The following SYBU variants were observed in gnomAD, a reference collection of about 807,000 sequenced individuals.
SYBU encodes syntabulin.
A neutral mutation model predicts 35.9 loss-of-function variants in SYBU; 21 were observed. The observed-to-expected ratio is 0.58, with a 90% confidence interval of 0.41 to 0.84. The LOEUF is 0.84. Among genes scored for constraint, SYBU ranks in the 40% least tolerant of loss-of-function variants. SYBU has a pLI of 0.00. For synonymous variants in SYBU, 319 were observed against 324.3 expected (o/e 0.98, Z 0.18); for missense variants, 768 against 848.2 (o/e 0.91, Z 1.17).
chr8:109,652,881 TA>T (rs947507521), intron 1 of SYBU, among the ~76,000 whole-genome samples: 1 of 152,240 alleles, frequency 6.6e-6, no homozygotes, highest in Admixed American at 6.5e-5. Flanking sequence ...GCAAGCTAGG[TA>T]ACATCTCTGT....
intron 2 of SYBU, among the ~76,000 whole-genome samples, chr8:109,635,018 G>T (rs182736825): frequency 1.0e-3 from 157 of 152,226 alleles, no homozygotes; most frequent in Middle Eastern, 3.4e-3. Context: ...GATTTTCACT[G>T]TAAATGCAAT....
At chr8:109,622,256 G>C (rs1812507419) in intron 2 of SYBU, among the ~76,000 whole-genome samples, 1 of 150,938 alleles carries the variant, frequency 6.6e-6, no homozygotes, top group Non-Finnish European at 1.5e-5. Flanking sequence ...TTTTAAGACA[G>C]AGTCTCGCTC....
chr8:109,625,713 G>A (rs896137523), intron 2 of SYBU, among the ~76,000 whole-genome samples: 8 of 152,102 alleles, frequency 5.3e-5, no homozygotes, highest in South Asian at 2.1e-4. Flanking sequence ...GAGTCACTGC[G>A]CCCAGCCAAA....
chr8:109,690,354 C>T (rs1247793816), intron 1 of SYBU, among the ~76,000 whole-genome samples: 1 of 152,196 alleles, frequency 6.6e-6, no homozygotes, highest in African/African-American at 2.4e-5. Context: ...GAGGAAAAGG[C>T]AAACATTCCT....
chr8:109,667,779 G>T (rs896130458), intron 1 of SYBU, among the ~76,000 whole-genome samples: 2 of 151,962 alleles, frequency 1.3e-5, no homozygotes, highest in African/African-American at 2.4e-5. Context: ...AGGCTTTTTT[G>T]TTGTTGTTGT....
intron 1 of SYBU, among the ~76,000 whole-genome samples, chr8:109,663,755 C>G (rs1437498916): frequency 3.3e-5 from 5 of 151,864 alleles, no homozygotes; most frequent in African/African-American, 9.7e-5. Context: ...TGATTTTACT[C>G]CTTTTGCCCA....
chr8:109,653,902 C>A (rs1320250932), intron 1 of SYBU, among the ~76,000 whole-genome samples: 3 of 152,102 alleles, frequency 2.0e-5, no homozygotes, highest in Non-Finnish European at 2.9e-5. Context: ...TACCTGAACT[C>A]TGGATCCCAT....
chr8:109,643,301 A>G, intron 1 of SYBU: 1 of 417,778 alleles, frequency 2.4e-6, no homozygotes, highest in Non-Finnish European at 3.2e-6. Context: ...TTAACACCAC[A>G]CTCTGGCTTA....
intron 2 of SYBU, among the ~76,000 whole-genome samples, chr8:109,637,465 C>T (rs552499564): frequency 1.3e-5 from 2 of 152,232 alleles, no homozygotes; most frequent in Non-Finnish European, 2.9e-5. Flanking sequence ...ATATGCCTTT[C>T]GTTTATAATC....
At chr8:109,635,531 C>T (rs1291637970) in intron 2 of SYBU, among the ~76,000 whole-genome samples, 1 of 152,180 alleles carries the variant, frequency 6.6e-6, no homozygotes, top group Non-Finnish European at 1.5e-5. Flanking sequence ...GGGCTCCAGA[C>T]TTTTGTCTAA....
Position 109,691,437 on chromosome 8 carries a change from C to A in SYBU, c.-162G>T. 3 of 666,880 alleles carry A rather than the reference C, an allele frequency of 4.5e-6. No individual in the cohort carries two copies. The highest frequency in any genetic ancestry group is 1.6e-5 in the South Asian group (1 of 64,174). The allele number at this position is 666,880 out of a possible 1,614,324, so 41.3% of individuals were successfully genotyped here. On this transcript the variant is annotated 5_prime_UTR_variant, in exon 1 of 8. Coordinates refer to the SYBU transcript ENST00000422135. The surrounding 1 kb of genome is among the most constrained non-coding windows in gnomAD (Gnocchi z 4.7). ...GGCCGGGTGCCGGTGCGGACGGGAC[C>A]CCGCGTCGCTGCTGGTTTGCGCTCA...
At chr8:109,576,144 A>G in intron 6 of SYBU, 131 bp from the exon 7 acceptor site, 7 of 1,156,104 alleles carry the variant, frequency 6.1e-6, no homozygotes, top group Non-Finnish European at 8.1e-6. Flanking sequence ...CACTTGAAAT[A>G]CAGATGTGAA....
chr8:109,586,337 A>G, intron 3 of SYBU, 175 bp from the exon 4 acceptor site: 1 of 588,014 alleles, frequency 1.7e-6, no homozygotes, highest in South Asian at 2.0e-5. Context: ...GAGAAGGCCC[A>G]GTACAAGAAC....
Position 109,644,784 on chromosome 8 carries a change from C to A in SYBU, c.-125G>T. On this transcript the variant is annotated 5_prime_UTR_variant, in exon 1 of 7. Transcript: ENST00000276646. The stretch of plus-strand genomic sequence containing the variant: ...CTGCGGGCGGCGGCTCTTGGTGAGG[C>A]TCCAACGCGCCGCCGCCGCCACTGC... 1.0e-6 allele frequency: 1 copy of A among 964,532 alleles called. No homozygotes were observed. 59.7% of individuals were successfully genotyped at this position (964,532 alleles called of 1,614,324 possible). A position where few individuals can be genotyped will look rare whatever the true frequency, so the allele number is the denominator to read the frequency against.
rs1358523695 is a variant in SYBU, at chr8:109,678,068, G to T, written c.-129+2643C>A. Among the ~76,000 whole-genome samples the T allele has an allele frequency of 2.0e-5, 3 of 149,364 alleles. No homozygotes were observed. The East Asian group carries it at 5.9e-4, about 29-fold the overall frequency. Reference sequence around the variant, plus strand: ...AGAATCACTTGAACCCGGGAGGTGGGGGTCGCGGTGAGCTGAGATCGCGCC... The same window carrying T: ...AGAATCACTTGAACCCGGGAGGTGGTGGTCGCGGTGAGCTGAGATCGCGCC... On this transcript the variant is annotated intron_variant, in intron 1 of 5. Transcript: ENST00000408889.
In SYBU at chr8:109,637,785, C is replaced by T. The variant is rs146106003; in HGVS notation, c.229+4943G>A. Among the ~76,000 whole-genome samples, 921 of 152,218 alleles carry T rather than the reference C, an allele frequency of 6.1e-3. 8 individuals carry two copies. Among genetic ancestry groups the T allele is most frequent in the East Asian group, 0.039 (204 of 5,178 alleles). ...GCAAGGCCTGGCAAATTTTTGGAGG[C>T]GTTGTCATGCCTCAACAGGGCACCA... On this transcript the variant is annotated intron_variant, in intron 2 of 6. Transcript: ENST00000276646.
intron 1 of SYBU, among the ~76,000 whole-genome samples, chr8:109,670,347 A>T (rs10094516): frequency 0.011 from 1,733 of 151,874 alleles, 11 homozygotes; most frequent in Middle Eastern, 0.051. Context: ...TGCTGCACCC[A>T]TTAACTCATC....
At chr8:109,632,131 C>A (rs1813694462) in intron 2 of SYBU, among the ~76,000 whole-genome samples, 2 of 152,156 alleles carry the variant, frequency 1.3e-5, no homozygotes, top group Admixed American at 6.5e-5. Context: ...CTCACTGTAA[C>A]CTCTCCCTCC....
intron 3 of SYBU, among the ~76,000 whole-genome samples, chr8:109,599,343 A>G (rs1825244331): frequency 6.6e-6 from 1 of 152,244 alleles, no homozygotes; most frequent in Non-Finnish European, 1.5e-5. Flanking sequence ...CATTTGAAAC[A>G]TCAAATAGAT....
Sources: gnomAD v4.1 joint callset for allele counts (sites outside exome capture counted in the v4.1 genomes callset) on GRCh38, gnomAD v4.1.1 for gene constraint, Gnocchi (gnomAD v3.1) non-coding constraint, MANE v1.5 for transcripts, NCBI Gene and HGNC (gene_info 2026-07-23, HGNC 2026-07-21) for gene names.